MYO16: variants seen among roughly 807,000 people sequenced by gnomAD.
The protein encoded by MYO16 is myosin XVI.
Under a neutral mutation model 205.3 loss-of-function variants are expected in MYO16, and 94 were observed. The observed-to-expected ratio is 0.46, with a 90% CI of 0.39 to 0.54. The LOEUF (loss-of-function observed/expected upper bound fraction) is 0.54, where lower values mean the gene tolerates loss of function less well. Among genes scored for constraint, MYO16 ranks in the 20% least tolerant of loss-of-function variants. MYO16 has a pLI of 0.00. For missense variants in MYO16, 2,315 were observed against 2,387.5 expected, an observed-to-expected ratio of 0.97 and a Z score of 0.63; for synonymous variants, 988 against 954.0, an observed-to-expected ratio of 1.04 and a Z score of -0.66.
the MYO16 span, among the ~76,000 whole-genome samples, chr13:108,569,783 G>T: frequency 1.3e-5 from 2 of 152,126 alleles, no homozygotes; most frequent in Admixed American, 6.6e-5. Flanking sequence ...TCTGGGTTTT[G>T]TGTAGATGTC....
chr13:108,677,146 G>C (rs560890178), intron 2 of MYO16, among the ~76,000 whole-genome samples: 1 of 152,164 alleles, frequency 6.6e-6, no homozygotes, highest in South Asian at 2.1e-4. Flanking sequence ...TGCAGAAGGA[G>C]GAGGGGATTC....
At chr13:108,500,671 T>C in the MYO16 span, among the ~76,000 whole-genome samples, 1 of 152,206 alleles carries the variant, frequency 6.6e-6, no homozygotes, top group African/African-American at 2.4e-5. Flanking sequence ...TTCTGACCTT[T>C]TAGGACTGCC....
chr13:108,755,638 T>C (rs1885399025), intron 4 of MYO16, among the ~76,000 whole-genome samples: 1 of 152,140 alleles, frequency 6.6e-6, no homozygotes, highest in Non-Finnish European at 1.5e-5. Context: ...TCAAATGTAG[T>C]GACACTATAT....
chr13:108,771,773 T>G (rs1290309819), intron 4 of MYO16, among the ~76,000 whole-genome samples: 1 of 152,200 alleles, frequency 6.6e-6, no homozygotes, highest in Non-Finnish European at 1.5e-5. Context: ...ACTGGCTTTT[T>G]TTTCACTTGG....
intron 16 of MYO16, among the ~76,000 whole-genome samples, chr13:108,925,276 G>A (rs1340346629): frequency 6.6e-6 from 1 of 152,054 alleles, no homozygotes; most frequent in African/African-American, 2.4e-5. Flanking sequence ...AGTGACAATG[G>A]GGCAATTGGG....
At chr13:108,893,254 A>AACACATG (rs1364907392) in intron 14 of MYO16, among the ~76,000 whole-genome samples, 1 of 152,224 alleles carries the variant, frequency 6.6e-6, no homozygotes, top group African/African-American at 2.4e-5. Flanking sequence ...AATTTACCAT[A>AACACATG]AATCTTTATA....
chr13:108,946,287 CA>C (rs112545209), intron 16 of MYO16, among the ~76,000 whole-genome samples: 1,472 of 142,696 alleles, frequency 0.01, 38 homozygotes, highest in Admixed American at 0.022. Flanking sequence ...TTGATTTTGG[CA>C]AAAAAAAAAG....
intron 2 of MYO16, among the ~76,000 whole-genome samples, chr13:108,678,513 A>G (rs1372734516): frequency 6.6e-6 from 1 of 152,170 alleles, no homozygotes; most frequent in East Asian, 1.9e-4. Context: ...TGTCTCTTGA[A>G]AACACCCCTA....
intron 2 of MYO16, among the ~76,000 whole-genome samples, chr13:108,667,005 A>G (rs934329598): frequency 3.3e-5 from 5 of 152,228 alleles, no homozygotes; most frequent in African/African-American, 1.2e-4. Context: ...TAAAATGAGC[A>G]TCTTCACAAT....
chr13:108,911,151 C>CG (rs1236789260), intron 16 of MYO16, among the ~76,000 whole-genome samples: 1 of 151,684 alleles, frequency 6.6e-6, no homozygotes, highest in East Asian at 1.9e-4. Context: ...AACAAATTGG[C>CG]GGGGGGCAAC....
chr13:108,641,747 A>G (rs1215857534), intron 1 of MYO16, among the ~76,000 whole-genome samples: 2 of 152,168 alleles, frequency 1.3e-5, no homozygotes, highest in Non-Finnish European at 2.9e-5. Context: ...ATTTTGCTTC[A>G]CCTTTTCCAT....
the MYO16 span, among the ~76,000 whole-genome samples, chr13:108,553,154 G>T: frequency 6.6e-6 from 1 of 151,500 alleles, no homozygotes. Flanking sequence ...GAGTAGCTGG[G>T]ATTACAGGTG....
intron 20 of MYO16, among the ~76,000 whole-genome samples, chr13:108,966,889 A>G (rs1258062250): frequency 6.6e-6 from 1 of 152,158 alleles, no homozygotes; most frequent in East Asian, 1.9e-4. Flanking sequence ...ATAACCTTAG[A>G]ATAGGCTCTT....
chr13:109,079,387 GT>G (rs34736383), intron 27 of MYO16, among the ~76,000 whole-genome samples: 69,929 of 150,276 alleles, frequency 0.47, 16,718 homozygotes, highest in East Asian at 0.84. Flanking sequence ...TACTGTATGG[GT>G]TTTTTTTTTT....
chr13:109,004,179 T>C (rs1324670273), intron 21 of MYO16, among the ~76,000 whole-genome samples: 1 of 152,210 alleles, frequency 6.6e-6, no homozygotes, highest in Non-Finnish European at 1.5e-5. Context: ...TAAGTCAAAT[T>C]GTTGCAGTAA....
chr13:108,500,531 ATT>A, the MYO16 span, among the ~76,000 whole-genome samples: 1 of 151,766 alleles, frequency 6.6e-6, no homozygotes, highest in Non-Finnish European at 1.5e-5. Flanking sequence ...CCCGGACTTG[ATT>A]ACTGTTCGTT....
chr13:109,118,206 A>T (rs926436239), intron 28 of MYO16, among the ~76,000 whole-genome samples: 1 of 152,082 alleles, frequency 6.6e-6, no homozygotes, highest in Non-Finnish European at 1.5e-5. Context: ...CTTGGACATA[A>T]CTCTATGTCC....
chr13:108,620,578 A>C (rs1188248353), intron 1 of MYO16, among the ~76,000 whole-genome samples: 1 of 152,174 alleles, frequency 6.6e-6, no homozygotes, highest in African/African-American at 2.4e-5. Context: ...AATTAAGGAA[A>C]TATTTCATTG....
At chr13:108,653,984 T>C (rs1470431690) in intron 1 of MYO16, among the ~76,000 whole-genome samples, 1 of 152,064 alleles carries the variant, frequency 6.6e-6, no homozygotes, top group Non-Finnish European at 1.5e-5. Flanking sequence ...CTATTATCAT[T>C]CCAATCCACT....
Sources: allele counts gnomAD v4.1 joint callset (sites outside exome capture counted in the v4.1 genomes callset), GRCh38; gene constraint gnomAD v4.1.1; transcripts MANE v1.5; gene names NCBI Gene and HGNC (gene_info 2026-07-23, HGNC 2026-07-21).